Variants in SLC45A1 observed in about 807,000 individuals in gnomAD.
SLC45A1 encodes the protein solute carrier family 45 member 1.
In SLC45A1, 28 loss-of-function variants were observed where a neutral mutation model predicts 57.6. That is an observed-to-expected ratio of 0.49 (90% CI 0.36 to 0.67). The LOEUF (loss-of-function observed/expected upper bound fraction) is 0.67. Among genes scored for constraint, SLC45A1 ranks in the 30% least tolerant of loss-of-function variants. The probability of loss-of-function intolerance (pLI) is 0.00; values close to 1 mark genes in which losing one functional copy is unlikely to be tolerated. For synonymous variants in SLC45A1, 459 were observed against 471.5 expected (o/e 0.97, Z 0.34); for missense variants, 814 against 1,041.5 (o/e 0.78, Z 3.01).
At position 8,343,446 on chromosome 1, in the gene SLC45A1, T is replaced by C. The variant is rs1258730210; in HGVS notation, c.1981-301T>C. ...GCCTGGCTGGGCAGATTGGTTTTCT[T>C]TGGGTGAGAGGATGGGGAAGAGCTC... On this transcript the variant is annotated intron_variant, in intron 8 of 8. Coordinates refer to ENST00000471889, the MANE Select transcript of SLC45A1 (RefSeq NM_001080397.3). The surrounding 1 kb of genome is among the most constrained non-coding windows in gnomAD (Gnocchi z 7.7). 2.0e-5 allele frequency among the ~76,000 whole-genome samples: 3 copies of C among 152,068 alleles called. No homozygotes were observed. Among genetic ancestry groups the C allele is most frequent in the Non-Finnish European group, 2.9e-5 (2 of 67,996 alleles).
Position 8,343,736 on chromosome 1 carries a change from CT to C in SLC45A1, c.1981-10del, listed in dbSNP as rs1640903422. The C allele has an allele frequency of 6.2e-7, 1 of 1,600,642 alleles. No homozygotes were observed. Among genetic ancestry groups the C allele is most frequent in the African/African-American group, 1.3e-5 (1 of 74,690 alleles). ...GCGTGTCTCGCTGACACGTTTCTTC[CT>C]CTGGGTCAGTTTGCAGGGTCCAGTG... On this transcript the variant is annotated splice_polypyrimidine_tract_variant and intron_variant, in intron 8 of 8. Transcript: ENST00000471889. This position sits in a 1 kb window ranked among gnomAD's most constrained non-coding sequence, Gnocchi z 7.7.
At chr1:8,319,791 G>A (rs548644176) in intron 1 of SLC45A1, among the ~76,000 whole-genome samples, 2 of 151,974 alleles carry the variant, frequency 1.3e-5, no homozygotes, top group Admixed American at 6.6e-5. Context: ...ATCTCAGCTC[G>A]CTACAACCTC....
At chr1:8,321,001 C>T (rs567979779) in intron 1 of SLC45A1, among the ~76,000 whole-genome samples, 23 of 152,184 alleles carry the variant, frequency 1.5e-4, no homozygotes, top group East Asian at 5.8e-4. Flanking sequence ...TGCTGGGTCT[C>T]GCCTCTGACT....
Position 8,335,662 on chromosome 1 carries a change from A to G in SLC45A1, c.1597+72A>G. On this transcript the variant is annotated intron_variant, in intron 6 of 8. Transcript: ENST00000471889. This position sits in a 1 kb window ranked among gnomAD's most constrained non-coding sequence, Gnocchi z 4.1. ...GCTCTCGCCCCACTGGCCTCCCAGG[A>G]TGCCCCTGAGCCTCCCTTCCCAGAA... is the stretch of plus-strand genomic sequence containing the variant. The G allele has an allele frequency of 7.4e-6, 11 of 1,476,810 alleles. No individual in the cohort carries two copies. The South Asian group carries it at 1.5e-4, about 20-fold the overall frequency. 91.5% of individuals were successfully genotyped at this position (1,476,810 alleles called of 1,614,324 possible).
intron 5 of SLC45A1, among the ~76,000 whole-genome samples, chr1:8,333,259 T>G (rs1640475984): frequency 6.6e-6 from 1 of 152,094 alleles, no homozygotes; most frequent in Non-Finnish European, 1.5e-5. Flanking sequence ...TTTCTTTTAT[T>G]TCTTTTCTTT....
chr1:8,341,044 T>C (rs949244791), intron 8 of SLC45A1, among the ~76,000 whole-genome samples: 9 of 150,942 alleles, frequency 6.0e-5, no homozygotes, highest in Non-Finnish European at 8.9e-5. Flanking sequence ...TACAAAAGAT[T>C]AGCTGGGCAT....
chr1:8,340,151 ATCTT>A (rs1326868802), intron 8 of SLC45A1, among the ~76,000 whole-genome samples: 8 of 150,580 alleles, frequency 5.3e-5, no homozygotes, highest in East Asian at 1.9e-4. Context: ...GAACAAAAAC[ATCTT>A]TCTTTCTTTC....
chr1:8,319,778 G>GC (rs1404414503), intron 1 of SLC45A1, among the ~76,000 whole-genome samples: 1 of 152,088 alleles, frequency 6.6e-6, no homozygotes, highest in Non-Finnish European at 1.5e-5. Context: ...GTGCAGTGGT[G>GC]CGATCTCAGC....
At chr1:8,321,128 A>G (rs981939803) in intron 1 of SLC45A1, among the ~76,000 whole-genome samples, 12 of 152,188 alleles carry the variant, frequency 7.9e-5, no homozygotes, top group African/African-American at 2.7e-4. Context: ...AGACCTGCCA[A>G]TCACCAGGTT....
At position 8,324,263 on chromosome 1, in the gene SLC45A1, C is replaced by T. The variant is rs530146423; in HGVS notation, c.-24-43C>T. On this transcript the variant is annotated intron_variant, in intron 1 of 8. Coordinates refer to ENST00000471889, the MANE Select transcript of SLC45A1 (RefSeq NM_001080397.3). ...ACTCAAATGTTGGGGGAGGACTACCCAGGCAAAAGTAACTGTGGCCTCCCC... is the reference window on the plus strand; with the variant it reads ...ACTCAAATGTTGGGGGAGGACTACCTAGGCAAAAGTAACTGTGGCCTCCCC... 282 of 1,539,918 alleles carry T rather than the reference C, an allele frequency of 1.8e-4. No homozygotes were observed. The East Asian group carries it at 6.2e-3, about 34-fold the overall frequency.
At chr1:8,332,323 C>T (rs2124308946) in intron 5 of SLC45A1, among the ~76,000 whole-genome samples, 1 of 152,340 alleles carries the variant, frequency 6.6e-6, no homozygotes, top group Middle Eastern at 3.4e-3. Context: ...ATCGTCCCTC[C>T]TGGTGCCTGA....
Position 8,325,992 on chromosome 1 carries a change from G to T in SLC45A1, c.665G>T (p.Cys222Phe). Reference sequence around the variant, plus strand: ...AGCCACGCCTACATGATGGACGTGTGCAGCCCCGCAGACCAGGACCGAGGC... The same window carrying T: ...AGCCACGCCTACATGATGGACGTGTTCAGCCCCGCAGACCAGGACCGAGGC... ...NPSHAYMMDV[C>F]SPADQDRGLN... The change falls in exon 4 of 9, where the codon TGC becomes TTC. Residue 222 changes from cysteine (C) to phenylalanine (F), a missense_variant. By Grantham distance (205) the Cys-to-Phe change is radical. Coordinates refer to ENST00000471889, the MANE Select transcript of SLC45A1 (RefSeq NM_001080397.3). The surrounding 1 kb of genome is among the most constrained non-coding windows in gnomAD (Gnocchi z 6.3). 1.2e-6 allele frequency: 2 copies of T among 1,610,298 alleles called. No individual in the cohort carries two copies. Among genetic ancestry groups the T allele is most frequent in the Non-Finnish European group, 1.7e-6 (2 of 1,180,018 alleles).
chr1:8,332,867 G>C (rs545550626), intron 5 of SLC45A1, among the ~76,000 whole-genome samples: 3 of 152,206 alleles, frequency 2.0e-5, no homozygotes, highest in Non-Finnish European at 4.4e-5. Context: ...GTAGACATAA[G>C]AGTTGCTGGC....
chr1:8,337,453 C>T (rs951933984), intron 6 of SLC45A1, among the ~76,000 whole-genome samples: 1 of 152,224 alleles, frequency 6.6e-6, no homozygotes, highest in Non-Finnish European at 1.5e-5. Flanking sequence ...GAGTCTCGCT[C>T]TGTCGCCCGG....
chr1:8,331,253 A>G (rs952450597), intron 5 of SLC45A1, among the ~76,000 whole-genome samples: 3 of 151,202 alleles, frequency 2.0e-5, no homozygotes, highest in Non-Finnish European at 4.4e-5. Context: ...CTTTTAAAAA[A>G]TATTTTTAAA....
Position 8,335,336 on chromosome 1 carries a change from C to T in SLC45A1, c.1444-101C>T, listed in dbSNP as rs531108096. 3.2e-5 allele frequency: 37 copies of T among 1,173,156 alleles called. No homozygotes were observed. The highest frequency in any genetic ancestry group is 1.6e-4 in the Admixed American group (6 of 36,674). 72.7% of individuals were successfully genotyped at this position (1,173,156 alleles called of 1,614,324 possible). A position where few individuals can be genotyped will look rare whatever the true frequency, so the allele number is the denominator to read the frequency against. On this transcript the variant is annotated intron_variant, in intron 5 of 8. Coordinates refer to ENST00000471889, the MANE Select transcript of SLC45A1 (RefSeq NM_001080397.3). The surrounding 1 kb of genome is among the most constrained non-coding windows in gnomAD (Gnocchi z 4.1). ...TAAGAAGACAGACCCTTGCAGCCTC[C>T]GTGCGGTGTTTCCGAGAGCGCATTC...
rs542015514 is a variant in SLC45A1, at chr1:8,326,680, C to T, written c.715+638C>T. On this transcript the variant is annotated intron_variant, in intron 4 of 8. Transcript: ENST00000471889. The surrounding 1 kb of genome is among the most constrained non-coding windows in gnomAD (Gnocchi z 5.5). ...AAAAGGTGGCACTAAATAGACCACA[C>T]AAAAAACTCTTGTTTCGGCCAGGCA... 2.0e-5 allele frequency among the ~76,000 whole-genome samples: 3 copies of T among 152,224 alleles called. No individual in the cohort carries two copies. The highest frequency in any genetic ancestry group is 4.4e-5 in the Non-Finnish European group (3 of 67,996).
chr1:8,330,455 G>A lies in SLC45A1; in HGVS notation c.962G>A (p.Gly321Asp). Residue 321 changes from glycine (G) to aspartate (D), a missense_variant, in exon 5 of 9, where the codon GGC becomes GAC. Transcript: ENST00000471889. The surrounding 1 kb of genome is among the most constrained non-coding windows in gnomAD (Gnocchi z 8.4). ...TCCCCACCCGTCCTGCCAGAGGAAG[G>A]CCCTGGCGACAGCCTCCCGTCGCAC... Reference protein sequence around the residue: ...PPSPPVLPEEGPGDSLPSHTA... With the variant: ...PPSPPVLPEEDPGDSLPSHTA... 6.2e-7 allele frequency: 1 copy of A among 1,611,908 alleles called. No individual in the cohort carries two copies. The highest frequency in any genetic ancestry group is 2.2e-5 in the East Asian group (1 of 44,846).
chr1:8,340,907 A>C (rs546902301), intron 8 of SLC45A1, among the ~76,000 whole-genome samples: 1 of 152,192 alleles, frequency 6.6e-6, no homozygotes, highest in African/African-American at 2.4e-5. Context: ...AGAGTAAGAG[A>C]GGGGTCCGGG....
Sources: allele counts gnomAD v4.1 joint callset (sites outside exome capture counted in the v4.1 genomes callset), GRCh38; gene constraint gnomAD v4.1.1; non-coding constraint Gnocchi (gnomAD v3.1); transcripts MANE v1.5; gene names NCBI Gene and HGNC (gene_info 2026-07-23, HGNC 2026-07-21).